CLCA4: variants seen among roughly 807,000 people sequenced by gnomAD.
The protein encoded by CLCA4 is calcium-activated chloride channel regulator 4.
A neutral mutation model predicts 78.9 loss-of-function variants in CLCA4; 69 were observed. The ratio of observed to expected loss-of-function variants is 0.87; its 90% CI spans 0.72 to 1.07. CLCA4 has a LOEUF of 1.07. Among genes scored for constraint, CLCA4 ranks in the 50% least tolerant of loss-of-function variants. The probability of loss-of-function intolerance (pLI) is 0.00; values close to 1 mark genes in which losing one functional copy is unlikely to be tolerated. For missense variants in CLCA4, 1,133 were observed against 1,095.8 expected (o/e 1.03, Z -0.48); for synonymous variants, 362 against 375.8 (o/e 0.96, Z 0.42).
chr1:86,552,640 C>T (rs1649700393), intron 1 of CLCA4: 5 of 746,020 alleles, frequency 6.7e-6, no homozygotes, highest in Non-Finnish European at 1.2e-5. Context: ...CCAGGATCTC[C>T]ACCATGTGGT....
Position 86,565,300 on chromosome 1 carries a change from A to G in CLCA4, c.584A>G (p.Asn195Ser), listed in dbSNP as rs1238817361. The G allele has an allele frequency of 6.2e-6, 10 of 1,602,510 alleles. No individual in the cohort carries two copies. Among genetic ancestry groups the G allele is most frequent in the Non-Finnish European group, 8.5e-6 (10 of 1,175,840 alleles). Residue 195 changes from asparagine (N) to serine (S), a missense_variant, in exon 5 of 14, where the codon AAT becomes AGT. By Grantham distance (46) the Asn-to-Ser change is conservative. Coordinates refer to ENST00000370563, the MANE Select transcript of CLCA4 (RefSeq NM_012128.4). ...TRCSAGISGR[N>S]RVYKCQGGSC... Reference sequence around the variant, plus strand: ...TGTTCCGCAGGTATCTCTGGTAGAAATAGAGTTTATAAGTGTCAAGGAGGC... The same window carrying G: ...TGTTCCGCAGGTATCTCTGGTAGAAGTAGAGTTTATAAGTGTCAAGGAGGC...
chr1:86,552,760 A>G (rs1649705423), intron 1 of CLCA4: 2 of 1,427,670 alleles, frequency 1.4e-6, no homozygotes, highest in Non-Finnish European at 2.0e-6. Flanking sequence ...CATGCCTGTC[A>G]GTACTGTGTC....
Position 86,560,286 on chromosome 1 carries a change from G to C in CLCA4, c.376G>C (p.Glu126Gln). 6.2e-7 allele frequency: 1 copy of C among 1,614,032 alleles called. No individual in the cohort carries two copies. The highest frequency in any genetic ancestry group is 8.5e-7 in the Non-Finnish European group (1 of 1,179,926). ...CACCAAGCAGTTCACAGAATGTGGA[G>C]AGAAAGGCGAATACATTCACTTCAC... ...PYTKQFTECG[E>Q]KGEYIHFTPD... Residue 126 changes from glutamate to glutamine, a missense_variant, in exon 3 of 14, where the codon GAG becomes CAG. Glu to Gln is a conservative substitution (Grantham distance 29). Transcript: ENST00000370563.
intron 1 of CLCA4, among the ~76,000 whole-genome samples, chr1:86,558,876 C>A (rs957416752): frequency 6.6e-6 from 1 of 152,200 alleles, no homozygotes; most frequent in African/African-American, 2.4e-5. Flanking sequence ...AGCTTCCAAT[C>A]TCTTCTGGCT....
chr1:86,579,294 C>A, intron 12 of CLCA4, 60 bp from the exon 13 acceptor site: 1 of 1,242,720 alleles, frequency 8.0e-7, no homozygotes, highest in Non-Finnish European at 1.2e-6. Context: ...AGGTGATTCA[C>A]TGAATTATAA....
rs1013911875 is a variant in CLCA4, at chr1:86,565,564, T to C, written c.735+113T>C. On this transcript the variant is annotated intron_variant, in intron 5 of 13. Transcript: ENST00000370563. ...TTATATATATTGATATAGAGTTCTT[T>C]GAACACTGGCTAACACATAGTATTT... 4 of 842,132 alleles carry C rather than the reference T, an allele frequency of 4.7e-6. No homozygotes were observed. The Admixed American group carries it at 1.1e-4, about 22-fold the overall frequency. 52.2% of individuals were successfully genotyped at this position (842,132 alleles called of 1,614,324 possible). A position where few individuals can be genotyped will look rare whatever the true frequency, so the allele number is the denominator to read the frequency against.
intron 3 of CLCA4, among the ~76,000 whole-genome samples, chr1:86,562,225 C>T (rs2101800886): frequency 6.6e-6 from 1 of 152,272 alleles, no homozygotes; most frequent in African/African-American, 2.4e-5. Context: ...GCATGGGAGG[C>T]AGGGAAACCT....
intron 3 of CLCA4, among the ~76,000 whole-genome samples, chr1:86,562,960 G>A (rs992844304): frequency 7.3e-5 from 11 of 151,644 alleles, no homozygotes; most frequent in Non-Finnish European, 1.5e-4. Flanking sequence ...GGTCGTTTGA[G>A]CTACAGAAAC....
At chr1:86,563,791 A>C (rs1299614305) in intron 4 of CLCA4, 22 bp downstream of exon 4, 1 of 1,344,690 alleles carries the variant, frequency 7.4e-7, no homozygotes, top group African/African-American at 1.5e-5. Flanking sequence ...TAAATTTTCT[A>C]AACTGACTTC....
In CLCA4 at chr1:86,577,999, A is replaced by G. The variant is rs1166159906; in HGVS notation, c.2049A>G (p.Gly683=). The G allele has an allele frequency of 6.2e-7, 1 of 1,612,770 alleles. No individual in the cohort carries two copies. Among genetic ancestry groups the G allele is most frequent in the East Asian group, 2.2e-5 (1 of 44,798 alleles). The change falls in exon 12 of 14, where the codon GGA becomes GGG. Residue 683 remains glycine (G), a synonymous_variant. Coordinates refer to ENST00000370563, the MANE Select transcript of CLCA4 (RefSeq NM_012128.4). The part of the protein sequence containing the change: ...RYSLKVRAHG[G]ANTARLKLRP... Reference sequence around the variant, plus strand: ...GCTTAAAAGTTCGGGCTCATGGAGGAGCAAACACTGCCAGGCTAAAATTAC... The same window carrying G: ...GCTTAAAAGTTCGGGCTCATGGAGGGGCAAACACTGCCAGGCTAAAATTAC...
At chr1:86,565,181 T>G (rs1650140164) in intron 4 of CLCA4, 93 bp from the exon 5 acceptor site, 1 of 800,226 alleles carries the variant, frequency 1.2e-6, no homozygotes. Flanking sequence ...ATAAACATCT[T>G]GATATAAAGT....
Position 86,559,981 on chromosome 1 carries a change from G to A in CLCA4, c.209G>A (p.Arg70Lys), listed in dbSNP as rs1558184896. The A allele has an allele frequency of 6.8e-6, 11 of 1,607,272 alleles. No homozygotes were observed. The highest frequency in any genetic ancestry group is 2.2e-5 in the South Asian group (2 of 89,512). The part of the protein sequence containing the change: ...STYLFEATEK[R>K]FFFKNVSILI... ...TACCTGTTTGAAGCCACAGAAAAAA[G>A]ATTTTTTTTCAAAAATGTATCTATA... Residue 70 changes from arginine to lysine, a missense_variant, in exon 2 of 14, where the codon AGA becomes AAA. Coordinates refer to ENST00000370563, the MANE Select transcript of CLCA4 (RefSeq NM_012128.4).
At chr1:86,566,083 C>T in intron 6 of CLCA4, 63 bp downstream of exon 6, 1 of 1,406,962 alleles carries the variant, frequency 7.1e-7, no homozygotes, top group East Asian at 2.4e-5. Flanking sequence ...ACACACTGAA[C>T]TCTGTCTGCA....
At chr1:86,577,170 A>T (rs1650545563) in intron 11 of CLCA4, among the ~76,000 whole-genome samples, 2 of 152,056 alleles carry the variant, frequency 1.3e-5, no homozygotes, top group African/African-American at 4.8e-5. Flanking sequence ...ATTAAAACTT[A>T]TATGCACCAT....
rs762606591 is a variant in CLCA4 at position 86,563,676 on chromosome 1, A to C, written c.464A>C (p.His155Pro). 23 of 1,590,608 alleles carry C rather than the reference A, an allele frequency of 1.4e-5. No individual in the cohort carries two copies. The South Asian group carries it at 2.4e-4, about 17-fold the overall frequency. Reference protein sequence around the residue: ...EYGPPGKLFVHEWAHLRWGVF... With the variant: ...EYGPPGKLFVPEWAHLRWGVF... ...TTTCCCACAGGCAAACTGTTTGTCC[A>C]TGAGTGGGCTCACCTCCGGTGGGGA... The change falls in exon 4 of 14, where the codon CAT becomes CCT. Residue 155 changes from histidine (H) to proline (P), a missense_variant. Coordinates refer to ENST00000370563, the MANE Select transcript of CLCA4 (RefSeq NM_012128.4).
intron 1 of CLCA4, among the ~76,000 whole-genome samples, chr1:86,558,182 C>T (rs1189922816): frequency 6.6e-6 from 1 of 152,012 alleles, no homozygotes; most frequent in African/African-American, 2.4e-5. Flanking sequence ...GGGCATTTGG[C>T]CCATTTACAT....
At position 86,563,645 on chromosome 1, in the gene CLCA4, A is replaced by G; in HGVS notation, c.449-16A>G. 7.3e-7 allele frequency: 1 copy of G among 1,373,796 alleles called. No individual in the cohort carries two copies. The highest frequency in any genetic ancestry group is 1.0e-6 in the Non-Finnish European group (1 of 991,384). 85.1% of individuals were successfully genotyped at this position (1,373,796 alleles called of 1,614,324 possible). A position where few individuals can be genotyped will look rare whatever the true frequency, so the allele number is the denominator to read the frequency against. ...CACTTGGATTATGATCATGTATTTG[A>G]AATGCTTTCCCACAGGCAAACTGTT... On this transcript the variant is annotated splice_polypyrimidine_tract_variant and intron_variant, in intron 3 of 13. Transcript: ENST00000370563.
intron 1 of CLCA4, 120 bp downstream of exon 1, chr1:86,547,398 T>C: frequency 1.4e-6 from 1 of 725,598 alleles, no homozygotes; most frequent in Non-Finnish European, 2.1e-6. Flanking sequence ...GTATACAATT[T>C]GTAAAGATCA....
chr1:86,553,171 G>C, intron 1 of CLCA4: 1 of 1,109,204 alleles, frequency 9.0e-7, no homozygotes, highest in East Asian at 2.4e-5. Context: ...AGGATTGAGC[G>C]GCACAGGTTG....
Sources: allele counts gnomAD v4.1 joint callset (sites outside exome capture counted in the v4.1 genomes callset), GRCh38; gene constraint gnomAD v4.1.1; transcripts MANE v1.5; gene names NCBI Gene and HGNC (gene_info 2026-07-23, HGNC 2026-07-21).